Variants in PANK1 observed in about 807,000 individuals in gnomAD.
PANK1 encodes pantothenate kinase 1.
PANK1 carries 18 observed loss-of-function variants against 40.1 expected under a neutral mutation model. That is an observed-to-expected ratio of 0.45 (90% CI 0.31 to 0.67). The LOEUF is 0.67. Among genes scored for constraint, PANK1 ranks in the 30% least tolerant of loss-of-function variants. The pLI, the probability that PANK1 is intolerant of heterozygous loss-of-function variation, is 0.06. For missense variants in PANK1, 457 were observed against 599.6 expected (o/e 0.76, Z 2.48); for synonymous variants, 242 against 237.7 (o/e 1.02, Z -0.17).
chr10:89,596,200 C>T (rs969051020), intron 3 of PANK1, among the ~76,000 whole-genome samples: 1 of 152,080 alleles, frequency 6.6e-6, no homozygotes, highest in African/African-American at 2.4e-5. Flanking sequence ...GTTTTGTTTT[C>T]TCCCTGTGTG....
chr10:89,632,322 T>A (rs971920492), intron 1 of PANK1, among the ~76,000 whole-genome samples: 7 of 152,166 alleles, frequency 4.6e-5, no homozygotes, highest in African/African-American at 1.4e-4. Flanking sequence ...GAACCAAATA[T>A]ATCAAACTGT....
chr10:89,610,231 G>C (rs912030839), intron 2 of PANK1, among the ~76,000 whole-genome samples: 38 of 151,218 alleles, frequency 2.5e-4, no homozygotes, highest in Non-Finnish European at 4.4e-5. Context: ...CCAGAGAAGG[G>C]ACAGGTCTTG....
chr10:89,644,616 C>T lies in PANK1; in HGVS notation c.276G>A (p.Gly92=), dbSNP rs1036205439. The T allele has an allele frequency of 1.3e-6, 2 of 1,589,400 alleles. No individual in the cohort carries two copies. The highest frequency in any genetic ancestry group is 1.1e-5 in the South Asian group (1 of 88,438). Reference sequence around the variant, plus strand: ...GGGACTTACGCGGCCTGTTCTTTCTCCCCGAGTCCATCCTCCTCCGCAGCC... The same window carrying T: ...GGGACTTACGCGGCCTGTTCTTTCTTCCCGAGTCCATCCTCCTCCGCAGCC... ...KCRLRRRMDS[G]RKNRPPFPWF... is the part of the protein sequence containing the mutation. Residue 92 remains glycine (G), a synonymous_variant, in exon 1 of 7, where the codon GGG becomes GGA. Transcript: ENST00000307534.
chr10:89,620,474 G>A (rs548361398), intron 1 of PANK1, among the ~76,000 whole-genome samples: 7 of 152,294 alleles, frequency 4.6e-5, no homozygotes, highest in African/African-American at 1.4e-4. Context: ...CTCCTGCAGC[G>A]CCCTCAGGCT....
intron 2 of PANK1, among the ~76,000 whole-genome samples, chr10:89,606,671 G>A (rs751607508): frequency 9.2e-5 from 14 of 152,068 alleles, no homozygotes; most frequent in Admixed American, 2.0e-4. Flanking sequence ...CTATAGGGGT[G>A]CACCACCACA....
chr10:89,614,778 C>A (rs1247317192), intron 1 of PANK1, among the ~76,000 whole-genome samples: 6 of 151,680 alleles, frequency 4.0e-5, no homozygotes, highest in African/African-American at 1.5e-4. Flanking sequence ...GCCTGGGTGA[C>A]AGAGTGAGAC....
chr10:89,636,764 C>T (rs1281881887), intron 1 of PANK1, among the ~76,000 whole-genome samples: 2 of 150,756 alleles, frequency 1.3e-5, no homozygotes, highest in African/African-American at 2.4e-5. Context: ...CTCCACAAGT[C>T]GTGTACTCTG....
rs575365297 is a variant in PANK1 at position 89,642,767 on chromosome 10, T to C, written c.292+1833A>G. On this transcript the variant is annotated intron_variant, in intron 1 of 6. Coordinates refer to ENST00000307534, the MANE Select transcript of PANK1 (RefSeq NM_148977.3). Reference sequence around the variant, plus strand: ...AGGCCAGATGTGACTCCTAGGAACATGTAAAATTTATTTCAGACATGATTG... The same window carrying C: ...AGGCCAGATGTGACTCCTAGGAACACGTAAAATTTATTTCAGACATGATTG... Among the ~76,000 whole-genome samples the C allele has an allele frequency of 3.3e-5, 5 of 152,326 alleles. No individual in the cohort carries two copies. The East Asian group carries it at 9.6e-4, about 29-fold the overall frequency.
chr10:89,583,568 C>T lies in PANK1; in HGVS notation c.*838G>A, dbSNP rs1353112450. 1 of 152,212 alleles carries T rather than the reference C, an allele frequency of 6.6e-6. No individual in the cohort carries two copies. Among genetic ancestry groups the T allele is most frequent in the Non-Finnish European group, 1.5e-5 (1 of 68,044 alleles). The allele number at this position is 152,212 out of a possible 1,614,324, so 9.4% of individuals were successfully genotyped here. A position where few individuals can be genotyped will look rare whatever the true frequency, so the allele number is the denominator to read the frequency against. On this transcript the variant is annotated 3_prime_UTR_variant, in exon 7 of 7. Coordinates refer to ENST00000307534, the MANE Select transcript of PANK1 (RefSeq NM_148977.3). ...GTGCATGGATGAGGACATTTAATCA[C>T]AGACTATTTCAACTTAATATAACCT... is the stretch of plus-strand genomic sequence containing the variant.
Position 89,588,760 on chromosome 10 carries a change from C to T in PANK1, c.1218G>A (p.Val406=). 1 of 1,596,864 alleles carries T rather than the reference C, an allele frequency of 6.3e-7. No homozygotes were observed. Among genetic ancestry groups the T allele is most frequent in the Non-Finnish European group, 8.5e-7 (1 of 1,172,602 alleles). The stretch of plus-strand genomic sequence containing the variant: ...TGATTCTGAGAAAATTTCCAACAAA[C>T]ACAACTCTGTCTATGTTCTGGAAAA... The part of the protein sequence containing the change: ...CALNENIDRV[V]FVGNFLRINM... Residue 406 remains valine, a synonymous_variant, in exon 6 of 7, where the codon GTG becomes GTA. Coordinates refer to ENST00000307534, the MANE Select transcript of PANK1 (RefSeq NM_148977.3).
chr10:89,609,888 C>T (rs1334905417), intron 2 of PANK1, among the ~76,000 whole-genome samples: 1 of 152,188 alleles, frequency 6.6e-6, no homozygotes, highest in Non-Finnish European at 1.5e-5. Flanking sequence ...TACGTTACCC[C>T]AGGGGAGAGA....
chr10:89,593,444 T>A, intron 4 of PANK1, 124 bp from the exon 5 acceptor site: 2 of 1,095,388 alleles, frequency 1.8e-6, no homozygotes, highest in Non-Finnish European at 2.6e-6. Context: ...ATTTTGCTAC[T>A]ATGGTTTATA....
chr10:89,629,748 G>A (rs949024453), intron 1 of PANK1, among the ~76,000 whole-genome samples: 4 of 152,098 alleles, frequency 2.6e-5, no homozygotes, highest in Non-Finnish European at 5.9e-5. Context: ...TACTTTATTT[G>A]GATTACACAA....
intron 5 of PANK1, chr10:89,592,723 G>C (rs879197196): frequency 7.5e-6 from 4 of 534,598 alleles, no homozygotes; most frequent in South Asian, 5.6e-5. Context: ...TGGGACTCTG[G>C]CTGGCCTTGG....
At chr10:89,598,071 T>C (rs1424455575) in intron 3 of PANK1, among the ~76,000 whole-genome samples, 4 of 152,188 alleles carry the variant, frequency 2.6e-5, no homozygotes, top group Non-Finnish European at 4.4e-5. Context: ...TGAGGCTCAA[T>C]AATTTTTTGT....
intron 1 of PANK1, among the ~76,000 whole-genome samples, chr10:89,629,724 C>T (rs1336934309): frequency 1.3e-5 from 2 of 152,178 alleles, no homozygotes; most frequent in Non-Finnish European, 2.9e-5. Context: ...ACGAACTTCA[C>T]CCATTTATTT....
At position 89,643,826 on chromosome 10, in the gene PANK1, G is replaced by A. The variant is rs1842032380; in HGVS notation, c.292+774C>T. 45 of 1,582,546 alleles carry A rather than the reference G, an allele frequency of 2.8e-5. 2 individuals are homozygous for A. In the South Asian group the frequency reaches 5.1e-4, roughly 18 times the overall value. ...TTTACATCCCACAGCGTCCTGTGGGGAAGGTACACTTTACAAACTACCATT... is the reference window on the plus strand; with the variant it reads ...TTTACATCCCACAGCGTCCTGTGGGAAAGGTACACTTTACAAACTACCATT... On this transcript the variant is annotated intron_variant, in intron 1 of 6. Transcript: ENST00000307534.
intron 1 of PANK1, among the ~76,000 whole-genome samples, chr10:89,632,727 C>A (rs948371919): frequency 6.6e-6 from 1 of 152,192 alleles, no homozygotes; most frequent in Non-Finnish European, 1.5e-5. Flanking sequence ...CCTGCTTGGT[C>A]TACCTGCTGG....
At chr10:89,601,250 G>A (rs994462265) in intron 2 of PANK1, among the ~76,000 whole-genome samples, 2 of 147,256 alleles carry the variant, frequency 1.4e-5, no homozygotes, top group African/African-American at 5.1e-5. Context: ...CGAGGTGAGA[G>A]GATCACTTGA....
Sources: gnomAD v4.1 joint callset for allele counts (sites outside exome capture counted in the v4.1 genomes callset) on GRCh38, gnomAD v4.1.1 for gene constraint, MANE v1.5 for transcripts, NCBI Gene and HGNC (gene_info 2026-07-23, HGNC 2026-07-21) for gene names.